PPP1R7: variants seen among roughly 807,000 people sequenced by gnomAD.
The protein encoded by PPP1R7 is protein phosphatase 1 regulatory subunit 22.
A neutral mutation model predicts 45.2 loss-of-function variants in PPP1R7; 18 were observed. That is an observed-to-expected ratio of 0.40 (90% CI 0.28 to 0.59). The LOEUF is 0.59. Ranked by LOEUF, PPP1R7 falls within the 20% of genes least tolerant of loss-of-function variation. The pLI is 0.46. For missense variants in PPP1R7, 314 were observed against 455.8 expected (o/e 0.69, Z 2.83); for synonymous variants, 181 against 183.4 (o/e 0.99, Z 0.11).
At position 241,150,493 on chromosome 2, in the gene PPP1R7, A is replaced by G; in HGVS notation, c.-3A>G. 6.3e-7 allele frequency: 1 copy of G among 1,595,770 alleles called. No homozygotes were observed. The highest frequency in any genetic ancestry group is 2.3e-5 in the East Asian group (1 of 42,676). On this transcript the variant is annotated 5_prime_UTR_variant, in exon 1 of 10. Coordinates refer to ENST00000234038, the MANE Select transcript of PPP1R7 (RefSeq NM_002712.3). ...GATTCCGGAAAGGGGAAGAGCAGCC[A>G]ACATGGCGGCGGAACGCGGCGCGGG...
At chr2:241,171,367 C>T (rs1405875300) in intron 9 of PPP1R7, among the ~76,000 whole-genome samples, 1 of 152,168 alleles carries the variant, frequency 6.6e-6, no homozygotes, top group Non-Finnish European at 1.5e-5. Flanking sequence ...GTGTCCATAC[C>T]TCTCTCCATT....
At chr2:241,175,696 G>C (rs2067896691) in intron 9 of PPP1R7, among the ~76,000 whole-genome samples, 7 of 152,184 alleles carry the variant, frequency 4.6e-5, no homozygotes, top group Admixed American at 4.6e-4. Context: ...CTGAGTTCAA[G>C]TGATCCTCCC....
chr2:241,150,473 C>A lies in PPP1R7; in HGVS notation c.-23C>A. ...CTGAGGGGTCTGAGGCGACAGATTC[C>A]GGAAAGGGGAAGAGCAGCCAACATG... On this transcript the variant is annotated 5_prime_UTR_variant, in exon 1 of 10. Coordinates refer to ENST00000234038, the MANE Select transcript of PPP1R7 (RefSeq NM_002712.3). 6.3e-7 allele frequency: 1 copy of A among 1,587,468 alleles called. No individual in the cohort carries two copies.
At chr2:241,161,660 G>A (rs1396283284) in intron 6 of PPP1R7, among the ~76,000 whole-genome samples, 1 of 152,268 alleles carries the variant, frequency 6.6e-6, no homozygotes, top group Non-Finnish European at 1.5e-5. Flanking sequence ...GTGATCTGGT[G>A]TTCCACAGAA....
chr2:241,173,933 A>G (rs1478553273), intron 9 of PPP1R7, among the ~76,000 whole-genome samples: 2 of 133,836 alleles, frequency 1.5e-5, no homozygotes, highest in South Asian at 2.3e-4. Flanking sequence ...TTTTTTTGGT[A>G]GATTATTTTT....
At chr2:241,162,832 G>A (rs762405222) in intron 6 of PPP1R7, among the ~76,000 whole-genome samples, 6 of 151,994 alleles carry the variant, frequency 3.9e-5, no homozygotes, top group African/African-American at 7.2e-5. Context: ...ACAGGCACCC[G>A]CCGCCACGCC....
chr2:241,149,707 G>C (rs942558015), upstream of PPP1R7: 1 of 1,551,428 alleles, frequency 6.4e-7, no homozygotes, highest in Admixed American at 1.9e-5. Flanking sequence ...CGATCAAAAT[G>C]GGTGAGTAGC....
Position 241,150,492 on chromosome 2 carries a change from C to G in PPP1R7, c.-4C>G. The G allele has an allele frequency of 1.9e-6, 3 of 1,597,964 alleles. No homozygotes were observed. Among genetic ancestry groups the G allele is most frequent in the Non-Finnish European group, 1.7e-6 (2 of 1,173,412 alleles). On this transcript the variant is annotated 5_prime_UTR_variant, in exon 1 of 10. Coordinates refer to ENST00000234038, the MANE Select transcript of PPP1R7 (RefSeq NM_002712.3). ...AGATTCCGGAAAGGGGAAGAGCAGCCAACATGGCGGCGGAACGCGGCGCGG... is the reference window on the plus strand; with the variant it reads ...AGATTCCGGAAAGGGGAAGAGCAGCGAACATGGCGGCGGAACGCGGCGCGG...
At position 241,153,501 on chromosome 2, in the gene PPP1R7, A is replaced by G. The variant is rs1467693468; in HGVS notation, c.78A>G (p.Glu26=). 4 of 1,614,214 alleles carry G rather than the reference A, an allele frequency of 2.5e-6. No individual in the cohort carries two copies. The highest frequency in any genetic ancestry group is 3.4e-6 in the Non-Finnish European group (4 of 1,180,044). The change falls in exon 2 of 10, where the codon GAA becomes GAG. Residue 26 remains glutamate (E), a synonymous_variant. Coordinates refer to ENST00000234038, the MANE Select transcript of PPP1R7 (RefSeq NM_002712.3). ...MEVDRRVESE[E]SGDEEGKKHS... ...TTGACAGGCGGGTCGAGTCTGAAGAATCCGGCGATGAAGAAGGGAAGAAAC... is the reference window on the plus strand; with the variant it reads ...TTGACAGGCGGGTCGAGTCTGAAGAGTCCGGCGATGAAGAAGGGAAGAAAC...
chr2:241,165,600 T>C (rs925186896), intron 7 of PPP1R7, among the ~76,000 whole-genome samples: 5 of 152,072 alleles, frequency 3.3e-5, no homozygotes, highest in Non-Finnish European at 7.3e-5. Context: ...TGTTTGTTTG[T>C]TTGTTCGTTT....
chr2:241,172,975 T>C (rs1037680552), intron 9 of PPP1R7, among the ~76,000 whole-genome samples: 5 of 151,740 alleles, frequency 3.3e-5, no homozygotes, highest in African/African-American at 4.8e-5. Flanking sequence ...ATTTTTATTA[T>C]TTTAAAAATA....
chr2:241,157,983 CAG>C (rs2067497783), intron 3 of PPP1R7, 121 bp downstream of exon 3: 1 of 960,912 alleles, frequency 1.0e-6, no homozygotes, highest in Non-Finnish European at 1.6e-6. Context: ...TTGGTTGAGT[CAG>C]AGTCCCGTGT....
Position 241,170,380 on chromosome 2 carries a change from G to A in PPP1R7, c.906+513G>A, listed in dbSNP as rs192339574. ...TGTCTTGTCACAGGTATGGTTTCAG[G>A]AGTAGTGTTGTGGAGTCAGCAGGAA... On this transcript the variant is annotated intron_variant, in intron 9 of 9. Coordinates refer to ENST00000234038, the MANE Select transcript of PPP1R7 (RefSeq NM_002712.3). Among the ~76,000 whole-genome samples, 314 of 152,352 alleles carry A rather than the reference G, an allele frequency of 2.1e-3. 1 individual carries two copies. The highest frequency in any genetic ancestry group is 3.5e-3 in the South Asian group (17 of 4,832).
At chr2:241,172,424 C>T (rs1044876552) in intron 9 of PPP1R7, among the ~76,000 whole-genome samples, 10 of 152,234 alleles carry the variant, frequency 6.6e-5, no homozygotes, top group Admixed American at 1.3e-4. Context: ...GCAGGTGGAT[C>T]ACCTGAGATC....
intron 9 of PPP1R7, among the ~76,000 whole-genome samples, chr2:241,174,831 C>T (rs534340188): frequency 6.6e-6 from 1 of 152,154 alleles, no homozygotes; most frequent in Non-Finnish European, 1.5e-5. Context: ...CCCGCCACCA[C>T]GCCTGGCTAA....
chr2:241,172,912 A>G (rs1283957480), intron 9 of PPP1R7, among the ~76,000 whole-genome samples: 1 of 151,850 alleles, frequency 6.6e-6, no homozygotes, highest in African/African-American at 2.4e-5. Flanking sequence ...TTTTAAGTAC[A>G]TTAAATACTT....
At chr2:241,150,583 A>G in intron 1 of PPP1R7, 36 bp downstream of exon 1, 1 of 1,572,146 alleles carries the variant, frequency 6.4e-7, no homozygotes, top group Non-Finnish European at 8.6e-7. Flanking sequence ...CCAAGGGCCC[A>G]GCGGGCGGGG....
intron 3 of PPP1R7, 85 bp downstream of exon 3, chr2:241,157,947 C>A: frequency 7.0e-7 from 1 of 1,432,912 alleles, no homozygotes; most frequent in Non-Finnish European, 9.7e-7. Context: ...TAAGTTATTT[C>A]CCTAGAGAGG....
chr2:241,153,477 T>A lies in PPP1R7; in HGVS notation c.54T>A (p.Val18=). ...GQQQSQEMME[V]DRRVESEESG... ...TCTCATTGACATGTGTGGGTTCAGT[T>A]GACAGGCGGGTCGAGTCTGAAGAAT... The change falls in exon 2 of 10, where the codon GTT becomes GTA. Residue 18 remains valine (V), a splice_region_variant and synonymous_variant. Transcript: ENST00000234038. 1 of 1,614,180 alleles carries A rather than the reference T, an allele frequency of 6.2e-7. No homozygotes were observed. The highest frequency in any genetic ancestry group is 1.1e-5 in the South Asian group (1 of 91,086).
Sources: allele counts gnomAD v4.1 joint callset (sites outside exome capture counted in the v4.1 genomes callset), GRCh38; gene constraint gnomAD v4.1.1; transcripts MANE v1.5; gene names NCBI Gene and HGNC (gene_info 2026-07-23, HGNC 2026-07-21).